The following COL6A5 variants were observed in gnomAD, a reference collection of about 807,000 sequenced individuals.
COL6A5 encodes collagen alpha-5(VI) chain.
A neutral mutation model predicts 65.6 loss-of-function variants in COL6A5; 48 were observed. The observed-to-expected ratio is 0.73, with a 90% CI of 0.58 to 0.93. COL6A5 has a LOEUF of 0.93. COL6A5 is among the 40% of genes least tolerant of loss of function. The pLI is 0.00. For missense variants in COL6A5, 914 were observed against 928.3 expected, an observed-to-expected ratio of 0.98 and a Z score of 0.20; for synonymous variants, 291 against 322.8, an observed-to-expected ratio of 0.90 and a Z score of 1.05.
chr3:130,365,625 T>C (rs1424991018), intron 1 of COL6A5, among the ~76,000 whole-genome samples: 1 of 152,144 alleles, frequency 6.6e-6, no homozygotes, highest in East Asian at 1.9e-4. Context: ...AACAACACAA[T>C]GTTATAGCTG....
intron 7 of COL6A5, among the ~76,000 whole-genome samples, chr3:130,392,083 G>C (rs1446405533): frequency 6.6e-6 from 1 of 152,178 alleles, no homozygotes; most frequent in Non-Finnish European, 1.5e-5. Flanking sequence ...TGCTCATGGT[G>C]CTCCATTTGG....
rs528899451 is a variant in COL6A5, at chr3:130,444,499, C to T, written c.1332+933C>T. ...ATGTCCATGAAATCTTCACAATCCA[C>T]GTTCTTCCGCCATGGCTTCAGCCGG... On this transcript the variant is annotated intron_variant, in intron 4 of 7. Coordinates refer to ENST00000512836, the Ensembl canonical transcript of COL6A5. 4.1e-4 allele frequency among the ~76,000 whole-genome samples: 63 copies of T among 152,222 alleles called. 1 individual carries two copies. Among genetic ancestry groups the T allele is most frequent in the Middle Eastern group, 6.8e-3 (2 of 294 alleles).
Position 130,426,357 on chromosome 3 carries a change from A to G in COL6A5, c.5200-10A>G. 6.4e-7 allele frequency: 1 copy of G among 1,551,334 alleles called. No homozygotes were observed. Among genetic ancestry groups the G allele is most frequent in the Non-Finnish European group, 8.7e-7 (1 of 1,146,742 alleles). On this transcript the variant is annotated splice_polypyrimidine_tract_variant and intron_variant and NMD_transcript_variant, in intron 30 of 41. Transcript: ENST00000312481. ...CATTTCTTTTCTCTCTCCTTTTTCA[A>G]CATTTACAGCAATGTGATCTGATCC...
chr3:130,375,090 G>A (rs769859072), intron 2 of COL6A5, among the ~76,000 whole-genome samples: 49 of 152,290 alleles, frequency 3.2e-4, no homozygotes, highest in Non-Finnish European at 5.0e-4. Context: ...GGCTGACCAT[G>A]ACTGCTAAGG....
intron 5 of COL6A5, among the ~76,000 whole-genome samples, chr3:130,467,264 G>C (rs1709838957): frequency 6.6e-6 from 1 of 151,836 alleles, no homozygotes; most frequent in African/African-American, 2.4e-5. Context: ...TAATAGGGAG[G>C]GGGGAATAAA....
intron 22 of COL6A5, among the ~76,000 whole-genome samples, chr3:130,414,392 T>C (rs939593631): frequency 6.6e-6 from 1 of 152,128 alleles, no homozygotes; most frequent in African/African-American, 2.4e-5. Flanking sequence ...TAGTGAATGA[T>C]TAATACCTTC....
At chr3:130,351,615 T>A (rs1156641083) in intron 1 of COL6A5, among the ~76,000 whole-genome samples, 1 of 152,212 alleles carries the variant, frequency 6.6e-6, no homozygotes, top group East Asian at 1.9e-4. Flanking sequence ...AGATACCATC[T>A]CACGCCAGTT....
intron 4 of COL6A5, among the ~76,000 whole-genome samples, chr3:130,382,468 GTC>G (rs1269669873): frequency 1.8e-4 from 24 of 135,292 alleles, no homozygotes; most frequent in African/African-American, 7.1e-4. Flanking sequence ...CACCAATAGT[GTC>G]TGTTTTAAAC....
chr3:130,399,150 GT>G (rs780524929), intron 10 of COL6A5, among the ~76,000 whole-genome samples: 1 of 152,174 alleles, frequency 6.6e-6, no homozygotes, highest in Non-Finnish European at 1.5e-5. Context: ...GAATTCCTTG[GT>G]GTAGCCCAGA....
At chr3:130,436,866 C>G (rs80080629) in intron 1 of COL6A5, among the ~76,000 whole-genome samples, 4,944 of 152,186 alleles carry the variant, frequency 0.032, 105 homozygotes, top group South Asian at 0.091. Context: ...TCTTGACACT[C>G]TCATCCAGAC....
Position 130,468,776 on chromosome 3 carries a change from T to C in COL6A5, c.1545-19T>C. 3 of 1,570,488 alleles carry C rather than the reference T, an allele frequency of 1.9e-6. No individual in the cohort carries two copies. Among genetic ancestry groups the C allele is most frequent in the Non-Finnish European group, 2.6e-6 (3 of 1,151,746 alleles). On this transcript the variant is annotated intron_variant, in intron 5 of 7. Transcript: ENST00000512836. The stretch of plus-strand genomic sequence containing the variant: ...TTATCTTTCCATTAAAAAGAATGAC[T>C]TGAGTTATTCTGTTGCAGGACATGA...
chr3:130,370,972 A>AC (rs1935531921), intron 1 of COL6A5, among the ~76,000 whole-genome samples: 1 of 152,162 alleles, frequency 6.6e-6, no homozygotes, highest in East Asian at 1.9e-4. Flanking sequence ...GCAAAACTCA[A>AC]CTGAGCTTTA....
exon 3 of COL6A5, chr3:130,440,779 G>T (rs1308252047): frequency 6.2e-7 from 1 of 1,612,964 alleles, no homozygotes. Context: ...AACCAGATCT[G>T]AATTATATTG....
chr3:130,442,658 A>G (rs925316871), intron 3 of COL6A5, among the ~76,000 whole-genome samples: 4 of 152,184 alleles, frequency 2.6e-5, no homozygotes, highest in African/African-American at 9.6e-5. Context: ...TGGTGCTGGC[A>G]TGTTTGCTGT....
In COL6A5 at chr3:130,395,466, G is replaced by A; in HGVS notation, c.3568+1G>A. The A allele has an allele frequency of 1.3e-6, 2 of 1,533,066 alleles. No individual in the cohort carries two copies. The highest frequency in any genetic ancestry group is 1.8e-6 in the Non-Finnish European group (2 of 1,142,188). 95.0% of individuals were successfully genotyped at this position (1,533,066 alleles called of 1,614,324 possible). The stretch of plus-strand genomic sequence containing the variant: ...ATCTGCCAGAGCTGTGGGAAAACCA[G>A]TAAGTGCTTCTTGTTTGGTTTTCTT... On this transcript the variant is annotated splice_donor_variant and NMD_transcript_variant, in intron 8 of 41. Coordinates refer to the COL6A5 transcript ENST00000312481.
chr3:130,391,831 C>T, intron 7 of COL6A5, 77 bp downstream of exon 7: 1 of 1,053,094 alleles, frequency 9.5e-7, no homozygotes, highest in Non-Finnish European at 1.4e-6. Context: ...AGTCTCAGGT[C>T]TCCGATTACC....
chr3:130,460,029 T>G (rs1396181320), intron 5 of COL6A5, among the ~76,000 whole-genome samples: 1 of 152,126 alleles, frequency 6.6e-6, no homozygotes, highest in Non-Finnish European at 1.5e-5. Flanking sequence ...AATACTTGGA[T>G]TCCTTCTCAA....
exon 8 of COL6A5, chr3:130,395,073 T>TG: frequency 6.4e-7 from 1 of 1,551,674 alleles, no homozygotes; most frequent in Non-Finnish European, 8.7e-7. Flanking sequence ...ATTATTGAGT[T>TG]GAAAAACTCT....
At chr3:130,369,001 G>C (rs763779002) in intron 1 of COL6A5, among the ~76,000 whole-genome samples, 1 of 152,084 alleles carries the variant, frequency 6.6e-6, no homozygotes, top group Non-Finnish European at 1.5e-5. Context: ...TGCAGCCTAC[G>C]GCCCTTATCA....
Sources: gnomAD v4.1 joint callset for allele counts (sites outside exome capture counted in the v4.1 genomes callset) on GRCh38, gnomAD v4.1.1 for gene constraint, MANE v1.5 for transcripts, NCBI Gene and HGNC (gene_info 2026-07-23, HGNC 2026-07-21) for gene names.